Variants in SCAPER observed in about 807,000 individuals in gnomAD.
The protein encoded by SCAPER is S-phase cyclin A associated protein in the ER, also known as S phase cyclin A-associated protein in the endoplasmic reticulum.
A neutral mutation model predicts 182.2 loss-of-function variants in SCAPER; 98 were observed. That is an observed-to-expected ratio of 0.54 (90% confidence interval 0.46 to 0.64). The LOEUF (loss-of-function observed/expected upper bound fraction) is 0.64, where lower values mean the gene tolerates loss of function less well. Ranked by LOEUF, SCAPER falls within the 30% of genes least tolerant of loss-of-function variation. The pLI is 0.00. For missense variants in SCAPER, 1,432 were observed against 1,690.0 expected, an observed-to-expected ratio of 0.85 and a Z score of 2.68; for synonymous variants, 605 against 564.6, an observed-to-expected ratio of 1.07 and a Z score of -1.01.
At chr15:76,745,168 C>T (rs1377207798) in intron 15 of SCAPER, among the ~76,000 whole-genome samples, 1 of 152,080 alleles carries the variant, frequency 6.6e-6, no homozygotes, top group Non-Finnish European at 1.5e-5. Flanking sequence ...AGGTTAAAAA[C>T]TACCTAGTGA....
At chr15:76,376,674 A>C (rs897370319) in intron 28 of SCAPER, among the ~76,000 whole-genome samples, 1 of 152,226 alleles carries the variant, frequency 6.6e-6, no homozygotes, top group Non-Finnish European at 1.5e-5. Context: ...ATTCACCTGT[A>C]AATCTACCAT....
chr15:76,806,283 G>A (rs2066154768), intron 5 of SCAPER, among the ~76,000 whole-genome samples: 1 of 152,156 alleles, frequency 6.6e-6, no homozygotes, highest in African/African-American at 2.4e-5. Context: ...TAACACCACT[G>A]TTGAAAATAC....
chr15:76,573,779 G>C lies in SCAPER; in HGVS notation c.2838+379C>G, dbSNP rs560906646. Among the ~76,000 whole-genome samples, 564 of 152,222 alleles carry C rather than the reference G, an allele frequency of 3.7e-3. 2 individuals are homozygous for C. The highest frequency in any genetic ancestry group is 6.2e-3 in the Admixed American group (95 of 15,282). Reference sequence around the variant, plus strand: ...AAAACTGCCAAATCTGTTGGAATCAGGGGATATTGGTGTTTTGTAGAAATC... The same window carrying C: ...AAAACTGCCAAATCTGTTGGAATCACGGGATATTGGTGTTTTGTAGAAATC... On this transcript the variant is annotated intron_variant, in intron 23 of 31. Transcript: ENST00000563290.
chr15:76,804,677 C>G lies in SCAPER; in HGVS notation c.394-44G>C, dbSNP rs901008. ...AAAAAAATTAAATTCCAGTCTGAGA[C>G]TAAAAACTTTGAAGAAAAAAAAGAG... On this transcript the variant is annotated intron_variant, in intron 5 of 31. Coordinates refer to ENST00000563290, the MANE Select transcript of SCAPER (RefSeq NM_020843.4). 3.6e-3 allele frequency: 4,582 copies of G among 1,282,246 alleles called. 28 individuals carry two copies. Among genetic ancestry groups the G allele is most frequent in the South Asian group, 0.015 (1,078 of 71,352 alleles). 79.4% of individuals were successfully genotyped at this position (1,282,246 alleles called of 1,614,324 possible). A position where few individuals can be genotyped will look rare whatever the true frequency, so the allele number is the denominator to read the frequency against.
At chr15:76,426,491 G>T (rs1372066249) in intron 26 of SCAPER, among the ~76,000 whole-genome samples, 3 of 152,140 alleles carry the variant, frequency 2.0e-5, no homozygotes, top group African/African-American at 4.8e-5. Context: ...GCTCATGCTG[G>T]GAGCTGTAGA....
At chr15:76,880,644 G>A (rs1279165127) in intron 2 of SCAPER, among the ~76,000 whole-genome samples, 1 of 150,778 alleles carries the variant, frequency 6.6e-6, no homozygotes, top group African/African-American at 2.5e-5. Context: ...TTAAAACAGA[G>A]ATCAATAGGA....
intron 30 of SCAPER, among the ~76,000 whole-genome samples, chr15:76,351,582 AG>A (rs2040552655): frequency 6.6e-6 from 1 of 152,234 alleles, no homozygotes; most frequent in Non-Finnish European, 1.5e-5. Context: ...AAATATCAAC[AG>A]GTGTTGATCA....
At position 76,354,145 on chromosome 15, in the gene SCAPER, A is replaced by C; in HGVS notation, c.3856-5T>G. 6.3e-7 allele frequency: 1 copy of C among 1,597,048 alleles called. No individual in the cohort carries two copies. Among genetic ancestry groups the C allele is most frequent in the Non-Finnish European group, 8.5e-7 (1 of 1,174,332 alleles). On this transcript the variant is annotated splice_polypyrimidine_tract_variant and splice_region_variant and intron_variant, in intron 29 of 31. Coordinates refer to ENST00000563290, the MANE Select transcript of SCAPER (RefSeq NM_020843.4). The surrounding 1 kb of genome is among the most constrained non-coding windows in gnomAD (Gnocchi z 4.4). ...GCGGCCGGACTGCACGATCACCTGA[A>C]ATGGAAGAGCAGCCCAGGTCAGCTG...
chr15:76,682,976 T>C (rs1290111073), intron 20 of SCAPER, among the ~76,000 whole-genome samples: 1 of 152,136 alleles, frequency 6.6e-6, no homozygotes, highest in Non-Finnish European at 1.5e-5. Context: ...ATAAGATCTG[T>C]GGCAACTCAA....
chr15:76,452,332 C>T (rs1596700184), intron 25 of SCAPER, among the ~76,000 whole-genome samples: 2 of 152,312 alleles, frequency 1.3e-5, no homozygotes, highest in Admixed American at 1.3e-4. Context: ...TGTGAACATT[C>T]TACACAAGAT....
intron 21 of SCAPER, among the ~76,000 whole-genome samples, chr15:76,628,706 G>A (rs567524819): frequency 3.2e-4 from 48 of 152,278 alleles, no homozygotes; most frequent in African/African-American, 1.9e-4. Context: ...TGGGTAGCGC[G>A]ATGTCTCCAG....
intron 5 of SCAPER, among the ~76,000 whole-genome samples, chr15:76,837,500 A>C (rs1332951699): frequency 2.0e-5 from 3 of 152,214 alleles, no homozygotes; most frequent in African/African-American, 7.2e-5. Flanking sequence ...TAAAACCATC[A>C]GATATCATGA....
At chr15:76,725,129 T>G (rs145737180) in intron 17 of SCAPER, among the ~76,000 whole-genome samples, 5 of 152,194 alleles carry the variant, frequency 3.3e-5, no homozygotes, top group African/African-American at 7.2e-5. Flanking sequence ...TAAAAGCACT[T>G]AAGAGATTCT....
chr15:76,670,759 G>C (rs1375984103), intron 20 of SCAPER, among the ~76,000 whole-genome samples: 2 of 152,126 alleles, frequency 1.3e-5, no homozygotes, highest in African/African-American at 2.4e-5. Flanking sequence ...CTGTGACTTA[G>C]GATGTTTCTT....
chr15:76,475,444 A>G (rs1446809908), intron 24 of SCAPER, among the ~76,000 whole-genome samples: 1 of 151,914 alleles, frequency 6.6e-6, no homozygotes, highest in Non-Finnish European at 1.5e-5. Context: ...CTCCTGCCTC[A>G]GCCTCCCGGG....
At chr15:76,824,133 T>G (rs936063821) in intron 5 of SCAPER, among the ~76,000 whole-genome samples, 1 of 152,194 alleles carries the variant, frequency 6.6e-6, no homozygotes, top group African/African-American at 2.4e-5. Context: ...AGCAACCTCA[T>G]AGTCACTGAT....
intron 22 of SCAPER, among the ~76,000 whole-genome samples, chr15:76,615,220 G>A (rs1041992571): frequency 1.4e-4 from 21 of 152,018 alleles, no homozygotes; most frequent in African/African-American, 3.9e-4. Context: ...GAGGGGGGGC[G>A]GATTGCTTGA....
At chr15:76,597,285 A>G (rs763438304) in intron 22 of SCAPER, among the ~76,000 whole-genome samples, 10 of 122,096 alleles carry the variant, frequency 8.2e-5, no homozygotes, top group African/African-American at 1.5e-4. Flanking sequence ...ACTACAAACC[A>G]CTACTCCACA....
At chr15:76,690,081 C>T (rs1389567721) in intron 20 of SCAPER, among the ~76,000 whole-genome samples, 2 of 152,004 alleles carry the variant, frequency 1.3e-5, no homozygotes, top group Admixed American at 6.6e-5. Context: ...TTGAAACCTC[C>T]TTCCAAGATA....
Sources: gnomAD v4.1 joint callset for allele counts (sites outside exome capture counted in the v4.1 genomes callset) on GRCh38, gnomAD v4.1.1 for gene constraint, Gnocchi (gnomAD v3.1) non-coding constraint, MANE v1.5 for transcripts, NCBI Gene and HGNC (gene_info 2026-07-23, HGNC 2026-07-21) for gene names.